Variants in IGF2R observed in about 807,000 individuals in gnomAD.
IGF2R encodes cation-independent mannose-6-phosphate receptor.
Under a neutral mutation model 270.6 loss-of-function variants are expected in IGF2R, and 91 were observed. That is an observed-to-expected ratio of 0.34 (90% CI 0.28 to 0.40). The LOEUF (loss-of-function observed/expected upper bound fraction) is 0.40, where lower values mean the gene tolerates loss of function less well. Among genes scored for constraint, IGF2R ranks in the 10% least tolerant of loss-of-function variants. The probability of loss-of-function intolerance (pLI) is 1.00; values close to 1 mark genes in which losing one functional copy is unlikely to be tolerated. For missense variants in IGF2R, 2,805 were observed against 3,188.3 expected, an observed-to-expected ratio of 0.88 and a Z score of 2.90; for synonymous variants, 1,316 against 1,258.9, an observed-to-expected ratio of 1.05 and a Z score of -0.96.
intron 10 of IGF2R, among the ~76,000 whole-genome samples, chr6:160,035,391 G>A (rs971968291): frequency 1.3e-5 from 2 of 152,228 alleles, no homozygotes; most frequent in African/African-American, 4.8e-5. Context: ...AGCTGGACAT[G>A]ATGTGAACCA....
intron 1 of IGF2R, among the ~76,000 whole-genome samples, chr6:159,976,911 T>C (rs1016056884): frequency 6.6e-6 from 1 of 152,242 alleles, no homozygotes; most frequent in Admixed American, 6.5e-5. Context: ...TCAAAGTTAC[T>C]CATGGTGCTG....
intron 42 of IGF2R, 81 bp downstream of exon 42, chr6:160,088,228 G>C: frequency 2.1e-6 from 2 of 946,570 alleles, no homozygotes; most frequent in Non-Finnish European, 3.4e-6. Flanking sequence ...TCATGGGCAG[G>C]TTTTGGCTGA....
intron 19 of IGF2R, among the ~76,000 whole-genome samples, chr6:160,055,997 T>C (rs1378571114): frequency 7.2e-5 from 11 of 152,302 alleles, no homozygotes; most frequent in Middle Eastern, 3.4e-3. Flanking sequence ...GCCCTCTTCC[T>C]GCCACTGCTG....
chr6:160,040,240 A>G (rs1401503781), intron 10 of IGF2R, among the ~76,000 whole-genome samples: 3 of 152,178 alleles, frequency 2.0e-5, no homozygotes, highest in Admixed American at 6.5e-5. Flanking sequence ...GCCCGGGAGC[A>G]GAGGATCCCA....
At chr6:160,017,574 A>T (rs1406920878) in intron 4 of IGF2R, among the ~76,000 whole-genome samples, 3 of 152,226 alleles carry the variant, frequency 2.0e-5, no homozygotes, top group African/African-American at 7.2e-5. Flanking sequence ...AGACTGTATG[A>T]GGTCAACATG....
rs1378274585 is a variant in IGF2R, at chr6:160,084,177, G to A, written c.6061G>A (p.Gly2021Arg). 3.7e-6 allele frequency: 6 copies of A among 1,604,746 alleles called. No homozygotes were observed. The highest frequency in any genetic ancestry group is 2.2e-5 in the South Asian group (2 of 90,902). ...LTGSWSLVHN[G>R]VSYYINLCQK... is the part of the protein sequence containing the mutation. The stretch of plus-strand genomic sequence containing the variant: ...CGGGTCCTGGTCCCTCGTCCACAAC[G>A]GAGTCTCGTGAGTGCCTTCCCAGTC... The change falls in exon 40 of 48, where the codon GGA (glycine) becomes AGA (arginine). Residue 2021 changes from glycine (G) to arginine (R), a missense_variant. Coordinates refer to ENST00000356956, the MANE Select transcript of IGF2R (RefSeq NM_000876.4). The surrounding 1 kb of genome is among the most constrained non-coding windows in gnomAD (Gnocchi z 4.6).
intron 2 of IGF2R, chr6:160,005,346 G>A (rs1211594124): frequency 6.6e-6 from 1 of 152,370 alleles, no homozygotes; most frequent in Non-Finnish European, 1.5e-5. Context: ...GCTGACTGGG[G>A]GCCTGGCGTG....
At chr6:160,080,361 C>CACTGACTGGGGCAT in intron 39 of IGF2R, 86 bp downstream of exon 39, 2 of 1,306,456 alleles carry the variant, frequency 1.5e-6, no homozygotes, top group Non-Finnish European at 2.1e-6. Context: ...TTGTGGATGC[C>CACTGACTGGGGCAT]CCAGTCAGTG....
At chr6:160,085,930 G>T (rs1403133938) in intron 41 of IGF2R, among the ~76,000 whole-genome samples, 2 of 152,236 alleles carry the variant, frequency 1.3e-5, no homozygotes, top group African/African-American at 4.8e-5. Flanking sequence ...GGTTCTTACT[G>T]CTTTAGAGGT....
At chr6:160,034,720 A>G (rs1777775392) in intron 10 of IGF2R, among the ~76,000 whole-genome samples, 198 bp downstream of exon 10, 1 of 152,044 alleles carries the variant, frequency 6.6e-6, no homozygotes, top group East Asian at 1.9e-4. Flanking sequence ...CCCAGTGGAC[A>G]CACACACATC....
intron 13 of IGF2R, among the ~76,000 whole-genome samples, chr6:160,045,212 A>G (rs928825380): frequency 6.6e-6 from 1 of 152,002 alleles, no homozygotes; most frequent in African/African-American, 2.4e-5. Context: ...ATTTTTGAAC[A>G]TTTTCCTTAT....
intron 1 of IGF2R, among the ~76,000 whole-genome samples, chr6:159,972,405 A>G (rs1783623699): frequency 6.6e-6 from 1 of 152,196 alleles, no homozygotes; most frequent in Non-Finnish European, 1.5e-5. Context: ...TGTTCATTGT[A>G]TGGCCCCCAG....
intron 4 of IGF2R, among the ~76,000 whole-genome samples, chr6:160,011,104 A>C (rs1784326385): frequency 1.3e-5 from 2 of 152,144 alleles, no homozygotes; most frequent in African/African-American, 2.4e-5. Context: ...GCTTGGGCTT[A>C]GAGTATTCAC....
chr6:160,007,788 T>C (rs1784267011), intron 2 of IGF2R: 1 of 152,244 alleles, frequency 6.6e-6, no homozygotes, highest in African/African-American at 2.4e-5. Context: ...GTTCTGTGTT[T>C]TTCCTAGTTT....
At chr6:160,012,126 C>T (rs1416233398) in intron 4 of IGF2R, among the ~76,000 whole-genome samples, 1 of 151,012 alleles carries the variant, frequency 6.6e-6, no homozygotes, top group African/African-American at 2.4e-5. Flanking sequence ...CCAGGAAAGC[C>T]ATAAGGAGCA....
Position 160,040,646 on chromosome 6 carries a change from AAGG to A in IGF2R, c.1405_1407del (p.Glu469del), listed in dbSNP as rs1777924826. On this transcript the variant is annotated inframe_deletion, in exon 11 of 48. Coordinates refer to ENST00000356956, the MANE Select transcript of IGF2R (RefSeq NM_000876.4). Reference sequence around the variant, plus strand: ...ATGGGACACGGAATACGCCTGTGTTAAGGAGAAGGAAGACCTCCTCTGCGGTGC... The same window carrying A: ...ATGGGACACGGAATACGCCTGTGTTAAGAAGGAAGACCTCCTCTGCGGTGC... 5.6e-6 allele frequency: 9 copies of A among 1,614,186 alleles called. No individual in the cohort carries two copies. Among genetic ancestry groups the A allele is most frequent in the Non-Finnish European group, 6.8e-6 (8 of 1,180,002 alleles).
chr6:160,079,200 G>C (rs1778920862), intron 37 of IGF2R, among the ~76,000 whole-genome samples: 1 of 152,216 alleles, frequency 6.6e-6, no homozygotes. Flanking sequence ...TCAGCGTGCA[G>C]CGTCGGCTCT....
chr6:159,985,726 G>C (rs1000267078), intron 1 of IGF2R, among the ~76,000 whole-genome samples: 3 of 152,210 alleles, frequency 2.0e-5, no homozygotes, highest in Non-Finnish European at 4.4e-5. Flanking sequence ...GGGGAGCACT[G>C]TCTGGAGGAG....
At chr6:160,100,816 A>T (rs141788072) in intron 45 of IGF2R, among the ~76,000 whole-genome samples, 1 of 65,348 alleles carries the variant, frequency 1.5e-5, no homozygotes, top group Non-Finnish European at 2.9e-5. Flanking sequence ...TTGGAGACAG[A>T]GACTTGCTCT....
Sources: gnomAD v4.1 joint callset for allele counts (sites outside exome capture counted in the v4.1 genomes callset) on GRCh38, gnomAD v4.1.1 for gene constraint, Gnocchi (gnomAD v3.1) non-coding constraint, MANE v1.5 for transcripts, NCBI Gene and HGNC (gene_info 2026-07-23, HGNC 2026-07-21) for gene names.